Variants in CHKA observed in about 807,000 individuals in gnomAD.
CHKA encodes choline kinase alpha.
Under a neutral mutation model 60.1 loss-of-function variants are expected in CHKA, and 34 were observed. That is an observed-to-expected ratio of 0.57 (90% CI 0.43 to 0.75). The LOEUF (loss-of-function observed/expected upper bound fraction) is 0.75, where lower values mean the gene tolerates loss of function less well. Ranked by LOEUF, CHKA falls within the 30% of genes least tolerant of loss-of-function variation. The pLI, the probability that CHKA is intolerant of heterozygous loss-of-function variation, is 0.00. For synonymous variants in CHKA, 217 were observed against 223.1 expected, an observed-to-expected ratio of 0.97 and a Z score of 0.24; for missense variants, 563 against 561.3, an observed-to-expected ratio of 1.00 and a Z score of -0.03.
intron 2 of CHKA, among the ~76,000 whole-genome samples, chr11:68,091,027 T>C (rs1857333177): frequency 6.6e-6 from 1 of 152,216 alleles, no homozygotes; most frequent in Non-Finnish European, 1.5e-5. Context: ...AACTGGTTAT[T>C]TGTAATCAGC....
At chr11:68,099,330 A>G (rs186639185) in intron 1 of CHKA, among the ~76,000 whole-genome samples, 1 of 152,388 alleles carries the variant, frequency 6.6e-6, no homozygotes, top group Non-Finnish European at 1.5e-5. Context: ...TTTGTGAACT[A>G]TATCTCATTT....
chr11:68,120,689 C>T, intron 1 of CHKA, 139 bp downstream of exon 1: 1 of 288,902 alleles, frequency 3.5e-6, no homozygotes. Flanking sequence ...GGCTGCGGTC[C>T]CCGGTCCCCG....
At chr11:68,090,994 C>T (rs1265162952) in intron 2 of CHKA, among the ~76,000 whole-genome samples, 1 of 152,170 alleles carries the variant, frequency 6.6e-6, no homozygotes, top group African/African-American at 2.4e-5. Flanking sequence ...TTTGTGTCTT[C>T]CACAATTCAT....
chr11:68,062,731 T>G (rs906136538), intron 10 of CHKA, among the ~76,000 whole-genome samples: 3 of 152,138 alleles, frequency 2.0e-5, no homozygotes, highest in African/African-American at 7.2e-5. Flanking sequence ...CCCACAAGAG[T>G]CCCGTGTGCT....
At chr11:68,113,735 C>T (rs1224031971) in intron 1 of CHKA, among the ~76,000 whole-genome samples, 3 of 151,730 alleles carry the variant, frequency 2.0e-5, no homozygotes, top group Non-Finnish European at 4.4e-5. Context: ...TGGCTCATGC[C>T]TGTAATCCCA....
chr11:68,057,117 ATTAC>A (rs1440291841), intron 11 of CHKA, among the ~76,000 whole-genome samples: 1 of 152,124 alleles, frequency 6.6e-6, no homozygotes, highest in Non-Finnish European at 1.5e-5. Context: ...TCCAGAACTG[ATTAC>A]TTGTTTGTTG....
Position 68,121,216 on chromosome 11 carries a change from G to T in CHKA, c.-39C>A. ...CCGAGGAGGCGCGGGCGGCCGCAGCGCGAGAGGACTAGGCTCAGAGTCCGG... is the reference window on the plus strand; with the variant it reads ...CCGAGGAGGCGCGGGCGGCCGCAGCTCGAGAGGACTAGGCTCAGAGTCCGG... On this transcript the variant is annotated 5_prime_UTR_variant, in exon 1 of 12. Coordinates refer to ENST00000265689, the MANE Select transcript of CHKA (RefSeq NM_001277.3). The T allele has an allele frequency of 1.8e-6, 2 of 1,139,536 alleles. No homozygotes were observed. Among genetic ancestry groups the T allele is most frequent in the Non-Finnish European group, 1.1e-6 (1 of 928,868 alleles). The allele number at this position is 1,139,536 out of a possible 1,614,324, so 70.6% of individuals were successfully genotyped here.
chr11:68,104,072 TATAGA>T (rs1197587706), intron 1 of CHKA, among the ~76,000 whole-genome samples: 3 of 152,132 alleles, frequency 2.0e-5, no homozygotes, highest in African/African-American at 7.2e-5. Context: ...ATCAATTGAT[TATAGA>T]ATAAATGTAA....
At chr11:68,087,606 GCCAT>G (rs912420422) in intron 2 of CHKA, among the ~76,000 whole-genome samples, 4 of 151,870 alleles carry the variant, frequency 2.6e-5, no homozygotes, top group African/African-American at 9.7e-5. Flanking sequence ...AAAAAATTGT[GCCAT>G]CCATTTTTTA....
At chr11:68,079,797 A>G (rs1429684243) in intron 3 of CHKA, among the ~76,000 whole-genome samples, 3 of 152,208 alleles carry the variant, frequency 2.0e-5, no homozygotes, top group African/African-American at 7.2e-5. Context: ...CTGCTAGCCA[A>G]TGGCATTAGT....
chr11:68,070,384 A>C, intron 5 of CHKA, 91 bp from the exon 6 acceptor site: 1 of 977,456 alleles, frequency 1.0e-6, no homozygotes, highest in Non-Finnish European at 1.6e-6. Context: ...TTAAACATTC[A>C]ATCCCAGCGC....
chr11:68,080,538 G>T (rs1427177220), intron 3 of CHKA, among the ~76,000 whole-genome samples: 1 of 151,894 alleles, frequency 6.6e-6, no homozygotes, highest in Non-Finnish European at 1.5e-5. Flanking sequence ...AGTAGAGACG[G>T]GGTTTCACCT....
At chr11:68,056,483 T>C (rs751537908) in intron 11 of CHKA, among the ~76,000 whole-genome samples, 8 of 152,204 alleles carry the variant, frequency 5.3e-5, no homozygotes, top group Non-Finnish European at 1.0e-4. Flanking sequence ...CACACCTTTT[T>C]TGTCCAATCA....
intron 1 of CHKA, among the ~76,000 whole-genome samples, chr11:68,116,714 T>TAAAA (rs35489750): frequency 7.1e-6 from 1 of 141,306 alleles, no homozygotes; most frequent in African/African-American, 2.6e-5. Context: ...AAGACTGTCT[T>TAAAA]AAAAAAAAAA....
chr11:68,091,786 T>A (rs1262536745), intron 2 of CHKA, among the ~76,000 whole-genome samples: 1 of 152,214 alleles, frequency 6.6e-6, no homozygotes, highest in Non-Finnish European at 1.5e-5. Context: ...CTAGTTATTT[T>A]AAACCAAGTC....
At chr11:68,066,629 G>T in intron 7 of CHKA, 113 bp from the exon 8 acceptor site, 1 of 835,962 alleles carries the variant, frequency 1.2e-6, no homozygotes, top group Non-Finnish European at 2.0e-6. Flanking sequence ...ACTGAATGTG[G>T]CTTTTGGTCT....
At chr11:68,068,733 A>G (rs1856522887) in intron 7 of CHKA, 146 bp downstream of exon 7, 1 of 579,808 alleles carries the variant, frequency 1.7e-6, no homozygotes, top group African/African-American at 1.9e-5. Context: ...CTCTATAAAA[A>G]TAATACAAAA....
intron 10 of CHKA, among the ~76,000 whole-genome samples, chr11:68,063,796 T>C (rs937352461): frequency 6.6e-6 from 1 of 152,156 alleles, no homozygotes; most frequent in Non-Finnish European, 1.5e-5. Flanking sequence ...TATTTGGTAG[T>C]CCTACCTTCT....
At chr11:68,061,095 GTTTTTTTTTTT>G (rs757176198) in intron 11 of CHKA, among the ~76,000 whole-genome samples, 10 of 70,878 alleles carry the variant, frequency 1.4e-4, no homozygotes, top group East Asian at 1.3e-3. Context: ...GTCAGTGACA[GTTTTTTTTTTT>G]TTTTTTTTTT....
Sources: gnomAD v4.1 joint callset for allele counts (sites outside exome capture counted in the v4.1 genomes callset) on GRCh38, gnomAD v4.1.1 for gene constraint, MANE v1.5 for transcripts, NCBI Gene and HGNC (gene_info 2026-07-23, HGNC 2026-07-21) for gene names.